FADS2: variants seen among roughly 807,000 people sequenced by gnomAD.
The protein encoded by FADS2 is fatty acid desaturase 2.
A neutral mutation model predicts 61.2 loss-of-function variants in FADS2; 18 were observed. The ratio of observed to expected loss-of-function variants is 0.29; its 90% CI spans 0.20 to 0.44. FADS2 has a LOEUF of 0.44. Ranked by LOEUF, FADS2 falls within the 20% of genes least tolerant of loss-of-function variation. The pLI is 1.00. For missense variants in FADS2, 322 were observed against 572.7 expected (o/e 0.56, Z 4.47); for synonymous variants, 203 against 223.9 (o/e 0.91, Z 0.83).
intron 5 of FADS2, among the ~76,000 whole-genome samples, chr11:61,852,757 T>G (rs2067318168): frequency 6.6e-6 from 1 of 152,248 alleles, no homozygotes; most frequent in South Asian, 2.1e-4. Flanking sequence ...AGTTATCTTT[T>G]GTCCCGCTAG....
chr11:61,816,852 G>T lies in FADS2; in HGVS notation c.141+426G>T. The T allele has an allele frequency of 2.7e-6, 4 of 1,484,430 alleles. No individual in the cohort carries two copies. The highest frequency in any genetic ancestry group is 1.8e-6 in the Non-Finnish European group (2 of 1,127,752). The allele number at this position is 1,484,430 out of a possible 1,614,324, so 92.0% of individuals were successfully genotyped here. On this transcript the variant is annotated intron_variant, in intron 1 of 11. Transcript: ENST00000257261. The surrounding 1 kb of genome is among the most constrained non-coding windows in gnomAD (Gnocchi z 7.0). ...TCCAGGAGTGGATTTGCTGGCGCGCGCCCAGAGCCAGCCGCCTGCGCGCCG... is the reference window on the plus strand; with the variant it reads ...TCCAGGAGTGGATTTGCTGGCGCGCTCCCAGAGCCAGCCGCCTGCGCGCCG...
intron 2 of FADS2, among the ~76,000 whole-genome samples, chr11:61,839,464 A>T (rs1394980362): frequency 1.3e-5 from 2 of 151,952 alleles, no homozygotes; most frequent in Non-Finnish European, 2.9e-5. Context: ...CTGGGATTAC[A>T]GGTGCCCATC....
chr11:61,862,710 C>T (rs1173124489), intron 7 of FADS2: 10 of 483,290 alleles, frequency 2.1e-5, no homozygotes, highest in Non-Finnish European at 3.8e-5. Flanking sequence ...ATGGCTGCCC[C>T]TCAGCAGGAG....
At chr11:61,836,579 G>A (rs886870264) in intron 1 of FADS2, among the ~76,000 whole-genome samples, 41 of 151,854 alleles carry the variant, frequency 2.7e-4, no homozygotes, top group Non-Finnish European at 2.9e-5. Flanking sequence ...ATGTTACTCA[G>A]GCTGGTCTTG....
intron 5 of FADS2, among the ~76,000 whole-genome samples, chr11:61,851,068 A>G (rs1240864291): frequency 2.6e-5 from 4 of 152,226 alleles, no homozygotes; most frequent in African/African-American, 9.6e-5. Context: ...ATTTTCTGCC[A>G]AAGTACAGGC....
At chr11:61,819,025 C>A (rs2067012837) in intron 1 of FADS2, among the ~76,000 whole-genome samples, 1 of 152,002 alleles carries the variant, frequency 6.6e-6, no homozygotes, top group Non-Finnish European at 1.5e-5. Flanking sequence ...TGCCCGCCAC[C>A]ACGCCCAGCT....
intron 1 of FADS2, among the ~76,000 whole-genome samples, chr11:61,833,215 A>G (rs1425251225): frequency 2.0e-5 from 3 of 152,028 alleles, no homozygotes; most frequent in African/African-American, 4.8e-5. Context: ...TCTCTTCCCC[A>G]TGTCCCGGGT....
Position 61,828,634 on chromosome 11 carries a change from C to G in FADS2, c.207+37C>G. 6.3e-7 allele frequency: 1 copy of G among 1,574,816 alleles called. No homozygotes were observed. Among genetic ancestry groups the G allele is most frequent in the Non-Finnish European group, 8.7e-7 (1 of 1,153,308 alleles). The stretch of plus-strand genomic sequence containing the variant: ...GGGGCGCCCCAGCCACCCTTCTCTG[C>G]TGCAGGCGGAGTCAGGATCCCTGGC... On this transcript the variant is annotated intron_variant, in intron 1 of 11. Coordinates refer to ENST00000278840, the MANE Select transcript of FADS2 (RefSeq NM_004265.4). The surrounding 1 kb of genome is among the most constrained non-coding windows in gnomAD (Gnocchi z 6.4).
chr11:61,834,901 C>G (rs916996457), intron 1 of FADS2, among the ~76,000 whole-genome samples: 1 of 151,810 alleles, frequency 6.6e-6, no homozygotes, highest in African/African-American at 2.4e-5. Flanking sequence ...GACTGATCAC[C>G]CCACCCAGAG....
chr11:61,856,028 C>A (rs1167360251), intron 5 of FADS2: 1 of 152,308 alleles, frequency 6.6e-6, no homozygotes, highest in Non-Finnish European at 1.5e-5. Flanking sequence ...ATAGTCTCAG[C>A]ACTGGTGAGA....
Position 61,865,353 on chromosome 11 carries a change from G to C in FADS2, c.1283+76G>C. The C allele has an allele frequency of 6.5e-7, 1 of 1,533,848 alleles. No homozygotes were observed. Among genetic ancestry groups the C allele is most frequent in the Admixed American group, 1.8e-5 (1 of 54,346 alleles). On this transcript the variant is annotated intron_variant, in intron 11 of 11. Coordinates refer to ENST00000278840, the MANE Select transcript of FADS2 (RefSeq NM_004265.4). This position sits in a 1 kb window ranked among gnomAD's most constrained non-coding sequence, Gnocchi z 4.1. ...AGACAGTGGGATCACAAGAGGGGCT[G>C]GGCCCTCCTGGCACAGTCACCCACC...
chr11:61,865,833 C>T lies in FADS2; in HGVS notation c.*144C>T. The T allele has an allele frequency of 1.5e-6, 1 of 686,644 alleles. No individual in the cohort carries two copies. The highest frequency in any genetic ancestry group is 2.5e-6 in the Non-Finnish European group (1 of 394,270). 42.5% of individuals were successfully genotyped at this position (686,644 alleles called of 1,614,324 possible). A position where few individuals can be genotyped will look rare whatever the true frequency, so the allele number is the denominator to read the frequency against. On this transcript the variant is annotated 3_prime_UTR_variant, in exon 12 of 12. Transcript: ENST00000278840. This position sits in a 1 kb window ranked among gnomAD's most constrained non-coding sequence, Gnocchi z 4.1. The stretch of plus-strand genomic sequence containing the variant: ...CCATGTTGGATCTTTCTCCCTTTCT[C>T]CTCTCCTTTTTCTCTTCACATCTCC...
Position 61,836,119 on chromosome 11 carries a change from T to A in FADS2, c.208-1659T>A, listed in dbSNP as rs147032919. On this transcript the variant is annotated intron_variant, in intron 1 of 11. Transcript: ENST00000278840. ...TTTGTTTGTTTGTTTGTTTTTTGAG[T>A]CAAAGTCTCACTCTGTCGCCCAGGC... Among the ~76,000 whole-genome samples the A allele has an allele frequency of 4.1e-3, 622 of 152,240 alleles. 3 individuals carry two copies. Among genetic ancestry groups the A allele is most frequent in the African/African-American group, 0.014 (597 of 41,540 alleles).
upstream of FADS2, among the ~76,000 whole-genome samples, chr11:61,824,789 A>G (rs1030522488): frequency 1.3e-5 from 2 of 152,134 alleles, no homozygotes; most frequent in Non-Finnish European, 2.9e-5. Flanking sequence ...ATTAAACTGG[A>G]ATTAATCCTT....
chr11:61,865,677 C>A lies in FADS2; in HGVS notation c.1323C>A (p.Tyr441Ter). 1 of 1,612,130 alleles carries A rather than the reference C, an allele frequency of 6.2e-7. No homozygotes were observed. The highest frequency in any genetic ancestry group is 8.5e-7 in the Non-Finnish European group (1 of 1,179,198). The change falls in exon 12 of 12, where the codon TAC becomes TAA. Residue 441 changes from tyrosine to a stop codon, truncating the protein, a stop_gained. Transcript: ENST00000278840. LOFTEE classifies it high-confidence loss of function. This position sits in a 1 kb window ranked among gnomAD's most constrained non-coding sequence, Gnocchi z 4.1. Reference protein sequence around the residue: ...KKSGKLWLDAYLHK With the variant: ...KKSGKLWLDA The stretch of plus-strand genomic sequence containing the variant: ...CTGGGAAGCTGTGGCTGGACGCCTA[C>A]CTTCACAAATGAAGCCACAGCCCCC...
At chr11:61,854,613 TC>T (rs1160676021) in intron 5 of FADS2, 1 of 152,136 alleles carries the variant, frequency 6.6e-6, no homozygotes, top group East Asian at 1.9e-4. Context: ...TACCTCTCCC[TC>T]CCTTCCCTGG....
chr11:61,842,790 C>T (rs1366361268), intron 4 of FADS2, among the ~76,000 whole-genome samples: 1 of 152,248 alleles, frequency 6.6e-6, no homozygotes, highest in Non-Finnish European at 1.5e-5. Context: ...TAGCACTCGG[C>T]AGGTGCACAG....
rs1470743564 is a variant in FADS2, at chr11:61,837,992, G to A, written c.318+104G>A. 3 of 803,112 alleles carry A rather than the reference G, an allele frequency of 3.7e-6. No homozygotes were observed. In the Admixed American group the frequency reaches 6.2e-5, roughly 17 times the overall value. The allele number at this position is 803,112 out of a possible 1,614,324, so 49.7% of individuals were successfully genotyped here. On this transcript the variant is annotated intron_variant, in intron 2 of 11. Coordinates refer to ENST00000278840, the MANE Select transcript of FADS2 (RefSeq NM_004265.4). ...CCCATGACCAGTAACTGGGGCTGAG[G>A]CAGGGGTGCTTTTGTCCTGGAGGAG...
chr11:61,864,936 G>A (rs958783068), intron 10 of FADS2, among the ~76,000 whole-genome samples: 2 of 152,098 alleles, frequency 1.3e-5, no homozygotes, highest in Non-Finnish European at 2.9e-5. Flanking sequence ...GCTCCATAGA[G>A]CACAAACGCC....
Sources: allele counts gnomAD v4.1 joint callset (sites outside exome capture counted in the v4.1 genomes callset), GRCh38; gene constraint gnomAD v4.1.1; non-coding constraint Gnocchi (gnomAD v3.1); transcripts MANE v1.5; gene names NCBI Gene and HGNC (gene_info 2026-07-23, HGNC 2026-07-21).